Variants in ALG6 observed in about 807,000 individuals in gnomAD.
ALG6 encodes ALG6 alpha-1,3-glucosyltransferase.
Under a neutral mutation model 66.6 loss-of-function variants are expected in ALG6, and 46 were observed. That is an observed-to-expected ratio of 0.69 (90% CI 0.55 to 0.88). The LOEUF (loss-of-function observed/expected upper bound fraction) is 0.88. Ranked by LOEUF, ALG6 falls within the 40% of genes least tolerant of loss-of-function variation. ALG6 has a pLI of 0.00. For missense variants in ALG6, 505 were observed against 586.8 expected (o/e 0.86, Z 1.44); for synonymous variants, 185 against 203.7 (o/e 0.91, Z 0.78).
At chr1:63,425,763 C>T (rs959323569) in intron 12 of ALG6, among the ~76,000 whole-genome samples, 1 of 152,058 alleles carries the variant, frequency 6.6e-6, no homozygotes, top group Non-Finnish European at 1.5e-5. Context: ...GGATAACTCC[C>T]TTGCTTGAGG....
intron 2 of ALG6, among the ~76,000 whole-genome samples, chr1:63,381,748 G>A (rs1026160084): frequency 6.6e-6 from 1 of 152,200 alleles, no homozygotes; most frequent in Non-Finnish European, 1.5e-5. Context: ...TAGCATTCAC[G>A]TGTGAGGGAC....
intron 9 of ALG6, among the ~76,000 whole-genome samples, chr1:63,412,899 T>G (rs561728313): frequency 6.6e-6 from 1 of 152,180 alleles, no homozygotes; most frequent in Non-Finnish European, 1.5e-5. Flanking sequence ...TTTGAATATA[T>G]AAATTTCTAT....
intron 5 of ALG6, among the ~76,000 whole-genome samples, chr1:63,405,441 T>C (rs1309202962): frequency 6.6e-6 from 1 of 152,184 alleles, no homozygotes; most frequent in Non-Finnish European, 1.5e-5. Flanking sequence ...TTTCTAGGGT[T>C]ACAGAGAACA....
chr1:63,404,090 A>T (rs1382399134), intron 4 of ALG6, among the ~76,000 whole-genome samples: 1 of 152,180 alleles, frequency 6.6e-6, no homozygotes, highest in African/African-American at 2.4e-5. Context: ...GATAACTAAA[A>T]TATTATAAAT....
chr1:63,386,246 G>A (rs2100394743), intron 2 of ALG6, among the ~76,000 whole-genome samples: 1 of 152,038 alleles, frequency 6.6e-6, no homozygotes, highest in South Asian at 2.1e-4. Context: ...TTGCATCAAT[G>A]TTCATCAGGG....
chr1:63,399,849 A>G (rs1267623006), intron 3 of ALG6, among the ~76,000 whole-genome samples: 1 of 152,050 alleles, frequency 6.6e-6, no homozygotes, highest in Non-Finnish European at 1.5e-5. Context: ...AATTCAGTGG[A>G]AAAATACATT....
intron 14 of ALG6, among the ~76,000 whole-genome samples, chr1:63,431,714 T>G (rs1644646677): frequency 6.6e-6 from 1 of 152,252 alleles, no homozygotes; most frequent in Non-Finnish European, 1.5e-5. Flanking sequence ...TAGTTTTCAG[T>G]GTATAAGTTT....
At chr1:63,375,752 AG>A (rs1336798403) in intron 2 of ALG6, among the ~76,000 whole-genome samples, 4 of 152,096 alleles carry the variant, frequency 2.6e-5, no homozygotes, top group Admixed American at 1.3e-4. Context: ...TTTCTTTGTA[AG>A]GAAAATGTTT....
chr1:63,396,438 A>C, intron 2 of ALG6, 75 bp from the exon 3 acceptor site: 1 of 1,306,840 alleles, frequency 7.7e-7, no homozygotes, highest in Non-Finnish European at 1.1e-6. Flanking sequence ...AATTTAGACA[A>C]TTTTCATAAG....
chr1:63,375,410 A>ATT lies in ALG6; in HGVS notation c.82+4377_82+4378dup, dbSNP rs766565038. On this transcript the variant is annotated intron_variant, in intron 2 of 14. Transcript: ENST00000263440. ...ACAGGCATGTGCCACCACCCCCGGCATTTTTTTTTTTTTTTTTTTTTTTTT... is the reference window on the plus strand; with the variant it reads ...ACAGGCATGTGCCACCACCCCCGGCATTTTTTTTTTTTTTTTTTTTTTTTTTT... Among the ~76,000 whole-genome samples the ATT allele has an allele frequency of 7.1e-3, 544 of 77,052 alleles. 22 individuals are homozygous for ATT. Among genetic ancestry groups the ATT allele is most frequent in the African/African-American group, 0.024 (480 of 19,864 alleles). The allele number at this position is 77,052 out of a possible 152,430, so 50.5% of individuals were successfully genotyped here.
rs1314773150 is a variant in ALG6, at chr1:63,414,181, A to G, written c.902+35A>G. 4 of 1,402,108 alleles carry G rather than the reference A, an allele frequency of 2.9e-6. No homozygotes were observed. The South Asian group carries it at 3.5e-5, about 12-fold the overall frequency. The allele number at this position is 1,402,108 out of a possible 1,614,324, so 86.9% of individuals were successfully genotyped here. On this transcript the variant is annotated intron_variant, in intron 10 of 14. Transcript: ENST00000263440. ...ACAAAGTTTGTATGTAGTATTTTATAAGTTACTCTTTAAAAGCATTATGGT... is the reference window on the plus strand; with the variant it reads ...ACAAAGTTTGTATGTAGTATTTTATGAGTTACTCTTTAAAAGCATTATGGT...
At chr1:63,421,050 C>T (rs990243726) in intron 12 of ALG6, among the ~76,000 whole-genome samples, 3 of 148,114 alleles carry the variant, frequency 2.0e-5, no homozygotes, top group African/African-American at 7.5e-5. Context: ...AAGATAGACA[C>T]TTATTAAAAA....
intron 12 of ALG6, among the ~76,000 whole-genome samples, chr1:63,423,878 T>C (rs963304898): frequency 6.6e-6 from 1 of 152,356 alleles, no homozygotes; most frequent in Non-Finnish European, 1.5e-5. Context: ...ATTTAACTTA[T>C]TGAGGAACCA....
chr1:63,374,695 G>A (rs975091232), intron 2 of ALG6, among the ~76,000 whole-genome samples: 1 of 151,670 alleles, frequency 6.6e-6, no homozygotes, highest in Admixed American at 6.6e-5. Flanking sequence ...TTTTTTAATA[G>A]TGCAGGGCTA....
At chr1:63,399,483 G>A (rs879520445) in intron 3 of ALG6, among the ~76,000 whole-genome samples, 6 of 152,138 alleles carry the variant, frequency 3.9e-5, no homozygotes, top group Non-Finnish European at 5.9e-5. Flanking sequence ...CAGTATAGCA[G>A]TACTGTACAC....
intron 12 of ALG6, among the ~76,000 whole-genome samples, chr1:63,425,364 G>C (rs1644609796): frequency 1.3e-5 from 2 of 152,162 alleles, no homozygotes; most frequent in Non-Finnish European, 2.9e-5. Flanking sequence ...GATGTGTGAA[G>C]AGTTCCTCTT....
rs1644699012 is a variant in ALG6 at position 63,438,521 on chromosome 1, A to AAAG, written c.*1502_*1504dup. ...AGCATAACTTTATTATTTGGAAATA[A>AAAG]AAGTATTATGTACATATATTAGTAA... On this transcript the variant is annotated 3_prime_UTR_variant, in exon 15 of 15. Coordinates refer to ENST00000263440, the MANE Select transcript of ALG6 (RefSeq NM_013339.4). The AAAG allele has an allele frequency of 1.3e-5, 2 of 152,360 alleles. No individual in the cohort carries two copies. The highest frequency in any genetic ancestry group is 1.3e-4 in the Admixed American group (2 of 15,300). The allele number at this position is 152,360 out of a possible 1,614,324, so 9.4% of individuals were successfully genotyped here.
rs766307079 is a variant in ALG6 at position 63,411,954 on chromosome 1, ATTG to A, written c.714_716del (p.Val239del). The A allele has an allele frequency of 1.2e-6, 2 of 1,614,048 alleles. No homozygotes were observed. The highest frequency in any genetic ancestry group is 2.2e-5 in the South Asian group (2 of 91,070). On this transcript the variant is annotated inframe_deletion, in exon 9 of 15. Transcript: ENST00000263440. ...TGTGTTGCTAGTTAAGCTAGCTTGT[ATTG>A]TTGTGGCTTCCTTCGTTCTCTGCTG... is the stretch of plus-strand genomic sequence containing the variant.
chr1:63,377,095 G>A (rs1648158107), intron 2 of ALG6, among the ~76,000 whole-genome samples: 1 of 152,036 alleles, frequency 6.6e-6, no homozygotes, highest in African/African-American at 2.4e-5. Flanking sequence ...CCTAGTGGCT[G>A]GGATTACAGG....
Sources: allele counts gnomAD v4.1 joint callset (sites outside exome capture counted in the v4.1 genomes callset), GRCh38; gene constraint gnomAD v4.1.1; transcripts MANE v1.5; gene names NCBI Gene and HGNC (gene_info 2026-07-23, HGNC 2026-07-21).